The following RANBP17 variants were observed in gnomAD, a reference collection of about 807,000 sequenced individuals.
RANBP17 encodes the protein RAN binding protein 17.
Under a neutral mutation model 141.2 loss-of-function variants are expected in RANBP17, and 158 were observed. The observed-to-expected ratio is 1.12, with a 90% CI of 0.98 to 1.28. RANBP17 has a LOEUF of 1.28. Ranked by LOEUF, RANBP17 falls within the 50% of genes most tolerant of loss-of-function variation. The probability of loss-of-function intolerance (pLI) is 0.00; values close to 1 mark genes in which losing one functional copy is unlikely to be tolerated. For missense variants in RANBP17, 1,438 were observed against 1,290.7 expected, an observed-to-expected ratio of 1.11 and a Z score of -1.75; for synonymous variants, 430 against 450.0, an observed-to-expected ratio of 0.96 and a Z score of 0.56.
Position 171,030,035 on chromosome 5 carries a change from C to T in RANBP17, c.1710+61658C>T, listed in dbSNP as rs373057687. ...ATTGGGCATTTATTTCTCCTATTGG[C>T]TAATTTTCCAAGTGACTCTTAAGTT... On this transcript the variant is annotated intron_variant, in intron 14 of 27. Coordinates refer to ENST00000523189, the MANE Select transcript of RANBP17 (RefSeq NM_022897.5). 1.8e-4 allele frequency among the ~76,000 whole-genome samples: 27 copies of T among 152,054 alleles called. No individual in the cohort carries two copies. In the South Asian group the frequency reaches 5.0e-3, roughly 28 times the overall value.
chr5:171,263,956 GGA>G (rs1766505144), intron 24 of RANBP17, among the ~76,000 whole-genome samples: 1 of 152,156 alleles, frequency 6.6e-6, no homozygotes. Flanking sequence ...TAGCTACTTG[GGA>G]GGCTGAGGTG....
intron 24 of RANBP17, among the ~76,000 whole-genome samples, chr5:171,243,493 G>T (rs1396450689): frequency 6.6e-6 from 1 of 152,106 alleles, no homozygotes; most frequent in Non-Finnish European, 1.5e-5. Flanking sequence ...TCCTATACAA[G>T]TATTTATGTA....
intron 14 of RANBP17, among the ~76,000 whole-genome samples, chr5:171,124,776 A>C (rs1200673263): frequency 6.6e-6 from 1 of 152,210 alleles, no homozygotes; most frequent in Non-Finnish European, 1.5e-5. Flanking sequence ...CAAATCATAA[A>C]TGTAAACAAC....
intron 14 of RANBP17, among the ~76,000 whole-genome samples, chr5:170,985,041 GCA>G (rs10540038): frequency 1.3e-5 from 2 of 149,978 alleles, no homozygotes; most frequent in African/African-American, 2.5e-5. Context: ...AGACACACAG[GCA>G]CACACAGACA....
intron 5 of RANBP17, chr5:170,897,309 T>C (rs1770216811): frequency 1.6e-6 from 1 of 612,994 alleles, no homozygotes; most frequent in Non-Finnish European, 3.2e-6. Context: ...ATACATTCCG[T>C]GGGAGGAGAA....
At chr5:170,897,251 C>T (rs984214095) in intron 5 of RANBP17, 2 of 645,258 alleles carry the variant, frequency 3.1e-6, no homozygotes, top group Non-Finnish European at 6.0e-6. Flanking sequence ...TTTAGAGAAA[C>T]TCAGAAAGTT....
chr5:170,993,416 T>G lies in RANBP17; in HGVS notation c.1710+25039T>G, dbSNP rs1027241066. Among the ~76,000 whole-genome samples the G allele has an allele frequency of 3.3e-5, 5 of 152,032 alleles. No homozygotes were observed. In the East Asian group the frequency reaches 7.7e-4, roughly 23 times the overall value. On this transcript the variant is annotated intron_variant, in intron 14 of 27. Transcript: ENST00000523189. The stretch of plus-strand genomic sequence containing the variant: ...AGACTGTAACTTTCTAAAATACATA[T>G]TTTTAAAGAAAAGTACTTGAGACAC...
intron 14 of RANBP17, among the ~76,000 whole-genome samples, chr5:171,153,141 TG>T (rs1758608575): frequency 6.6e-6 from 1 of 152,180 alleles, no homozygotes; most frequent in Non-Finnish European, 1.5e-5. Context: ...ATTGATTGAT[TG>T]GATATTGATT....
At chr5:171,018,254 A>G (rs1453777103) in intron 14 of RANBP17, among the ~76,000 whole-genome samples, 4 of 152,210 alleles carry the variant, frequency 2.6e-5, no homozygotes, top group East Asian at 3.9e-4. Flanking sequence ...TTTTGGTTCT[A>G]TATGAAATTT....
intron 7 of RANBP17, chr5:170,911,397 C>T: frequency 8.6e-6 from 5 of 579,032 alleles, no homozygotes; most frequent in Non-Finnish European, 1.5e-5. Flanking sequence ...GGAGGAAAGT[C>T]AAGAGCTATG....
intron 12 of RANBP17, among the ~76,000 whole-genome samples, chr5:170,942,582 A>G (rs963414558): frequency 7.0e-6 from 1 of 143,730 alleles, no homozygotes; most frequent in Non-Finnish European, 1.6e-5. Flanking sequence ...AGGAAGCTTT[A>G]AAAAATCAAA....
intron 20 of RANBP17, among the ~76,000 whole-genome samples, chr5:171,211,001 CAAA>C (rs949233363): frequency 1.2e-4 from 9 of 75,358 alleles, no homozygotes; most frequent in East Asian, 3.8e-4. Flanking sequence ...AAGACCCCGT[CAAA>C]AAAAAAAAAA....
At chr5:171,297,849 T>C (rs893446775) in intron 27 of RANBP17, among the ~76,000 whole-genome samples, 1 of 117,792 alleles carries the variant, frequency 8.5e-6, no homozygotes, top group Admixed American at 8.1e-5. Flanking sequence ...ATAAATTCTT[T>C]TTTTTTTTTT....
chr5:171,181,786 A>G (rs184205501), intron 16 of RANBP17, among the ~76,000 whole-genome samples: 21 of 152,350 alleles, frequency 1.4e-4, no homozygotes, highest in African/African-American at 5.1e-4. Flanking sequence ...GAATTGTGAA[A>G]ATTAGCCTTG....
At chr5:171,053,848 T>C (rs1247391169) in intron 14 of RANBP17, among the ~76,000 whole-genome samples, 2 of 144,404 alleles carry the variant, frequency 1.4e-5, no homozygotes, top group South Asian at 4.4e-4. Context: ...TGTTAGCTTT[T>C]TTTCCTTCAA....
chr5:170,894,366 C>T (rs1412953096), intron 4 of RANBP17, among the ~76,000 whole-genome samples: 2 of 151,748 alleles, frequency 1.3e-5, no homozygotes, highest in Non-Finnish European at 2.9e-5. Flanking sequence ...CCAGTAAGCT[C>T]AACTTAAGTT....
At chr5:170,965,242 G>T (rs1467857722) in intron 13 of RANBP17, among the ~76,000 whole-genome samples, 2 of 86,512 alleles carry the variant, frequency 2.3e-5, no homozygotes, top group Non-Finnish European at 5.6e-5. Flanking sequence ...TTTTGATGGG[G>T]TTGTTTTTTT....
chr5:171,253,847 C>A lies in RANBP17; in HGVS notation c.2776+11027C>A, dbSNP rs369390511. Reference sequence around the variant, plus strand: ...ACTGCAATGAGAGGAGGTAAATATCCTTTTTCAGGAGGAACTGATATCTCT... The same window carrying A: ...ACTGCAATGAGAGGAGGTAAATATCATTTTTCAGGAGGAACTGATATCTCT... On this transcript the variant is annotated intron_variant, in intron 24 of 27. Coordinates refer to ENST00000523189, the MANE Select transcript of RANBP17 (RefSeq NM_022897.5). Among the ~76,000 whole-genome samples, 25 of 152,168 alleles carry A rather than the reference C, an allele frequency of 1.6e-4. No individual in the cohort carries two copies. In the East Asian group the frequency reaches 4.4e-3, roughly 27 times the overall value.
In RANBP17 at chr5:171,028,990, G is replaced by T. The variant is rs1781391743; in HGVS notation, c.1710+60613G>T. The T allele has an allele frequency of 2.4e-6, 3 of 1,248,568 alleles. No homozygotes were observed. In the Admixed American group the frequency reaches 7.2e-5, roughly 30 times the overall value. The allele number at this position is 1,248,568 out of a possible 1,614,324, so 77.3% of individuals were successfully genotyped here. The stretch of plus-strand genomic sequence containing the variant: ...CCAGGGATCACAGTCTAAGGTCCAG[G>T]TGAGGGCAAGTCAGTCTATATGTTA... On this transcript the variant is annotated intron_variant, in intron 14 of 27. Transcript: ENST00000523189.
Sources: allele counts gnomAD v4.1 joint callset (sites outside exome capture counted in the v4.1 genomes callset), GRCh38; gene constraint gnomAD v4.1.1; transcripts MANE v1.5; gene names NCBI Gene and HGNC (gene_info 2026-07-23, HGNC 2026-07-21).